Variants in OLFM2 observed in about 807,000 individuals in gnomAD.
OLFM2 encodes noelin-2.
Under a neutral mutation model 43.9 loss-of-function variants are expected in OLFM2, and 20 were observed. The ratio of observed to expected loss-of-function variants is 0.46; its 90% CI spans 0.32 to 0.66. OLFM2 has a LOEUF of 0.66. Ranked by LOEUF, OLFM2 falls within the 30% of genes least tolerant of loss-of-function variation. The probability of loss-of-function intolerance (pLI) is 0.04; values close to 1 mark genes in which losing one functional copy is unlikely to be tolerated. For synonymous variants in OLFM2, 268 were observed against 278.6 expected, an observed-to-expected ratio of 0.96 and a Z score of 0.38; for missense variants, 416 against 643.6, an observed-to-expected ratio of 0.65 and a Z score of 3.83.
At chr19:9,900,021 A>G (rs774534678) in intron 1 of OLFM2, among the ~76,000 whole-genome samples, 1 of 152,120 alleles carries the variant, frequency 6.6e-6, no homozygotes. Context: ...TGCATAATAA[A>G]TATCTGTTGA....
chr19:9,860,040 G>A (rs190160310), intron 2 of OLFM2, among the ~76,000 whole-genome samples: 2 of 152,276 alleles, frequency 1.3e-5, no homozygotes, highest in African/African-American at 4.8e-5. Context: ...TACTCGGGAG[G>A]CTGAGGCAGG....
chr19:9,936,309 C>A lies in OLFM2; in HGVS notation c.58G>T (p.Gly20Ter). The change falls in exon 1 of 6, where the codon GGA becomes TGA. Residue 20 changes from glycine (G) to a stop codon, truncating the protein, a stop_gained. Transcript: ENST00000264833. LOFTEE classifies it high-confidence loss of function. ...LLLLLCSGLA[G>*]QTLFQNPEEG... ...CCTGCCCGCCGGGCCCCTACCTGTCCGGCCAGGCCTGAGCACAGCAGCAGC... is the reference window on the plus strand; with the variant it reads ...CCTGCCCGCCGGGCCCCTACCTGTCAGGCCAGGCCTGAGCACAGCAGCAGC... 6.5e-7 allele frequency: 1 copy of A among 1,527,928 alleles called. No homozygotes were observed. The highest frequency in any genetic ancestry group is 1.2e-5 in the South Asian group (1 of 83,690). The allele number at this position is 1,527,928 out of a possible 1,614,324, so 94.6% of individuals were successfully genotyped here.
chr19:9,899,124 G>A (rs1383065938), intron 1 of OLFM2, among the ~76,000 whole-genome samples: 2 of 151,952 alleles, frequency 1.3e-5, no homozygotes, highest in African/African-American at 4.8e-5. Context: ...AATTAGACAG[G>A]CGTGGTGGCA....
At chr19:9,870,923 C>T (rs994764981) in intron 1 of OLFM2, among the ~76,000 whole-genome samples, 4 of 152,018 alleles carry the variant, frequency 2.6e-5, no homozygotes, top group African/African-American at 4.8e-5. Flanking sequence ...CTGTGGTTTA[C>T]AGTGGCTCGC....
At position 9,854,009 on chromosome 19, in the gene OLFM2, G is replaced by C. The variant is rs915685287; in HGVS notation, c.*177C>G. On this transcript the variant is annotated 3_prime_UTR_variant, in exon 6 of 6. Coordinates refer to ENST00000264833, the MANE Select transcript of OLFM2 (RefSeq NM_058164.4). This position sits in a 1 kb window ranked among gnomAD's most constrained non-coding sequence, Gnocchi z 9.5. ...AAGCAGAGATCAATAAAGGAGAAGAGGGGAAATTGAAAAAATAGACAGAAA... is the reference window on the plus strand; with the variant it reads ...AAGCAGAGATCAATAAAGGAGAAGACGGGAAATTGAAAAAATAGACAGAAA... 31 of 610,854 alleles carry C rather than the reference G, an allele frequency of 5.1e-5. No homozygotes were observed. The highest frequency in any genetic ancestry group is 8.6e-4 in the Middle Eastern group (2 of 2,338). 37.8% of individuals were successfully genotyped at this position (610,854 alleles called of 1,614,324 possible). A position where few individuals can be genotyped will look rare whatever the true frequency, so the allele number is the denominator to read the frequency against.
intron 1 of OLFM2, among the ~76,000 whole-genome samples, chr19:9,885,384 C>A (rs1289383653): frequency 3.3e-5 from 5 of 152,188 alleles, no homozygotes; most frequent in African/African-American, 1.2e-4. Context: ...TGTCAGACAT[C>A]CACGCTGTGA....
chr19:9,916,887 CCTT>C (rs1408223504), intron 1 of OLFM2, among the ~76,000 whole-genome samples: 6 of 152,168 alleles, frequency 3.9e-5, no homozygotes, highest in Non-Finnish European at 8.8e-5. Context: ...CTCACCATCA[CCTT>C]CTTGAAACTC....
chr19:9,869,566 T>C (rs1431488502), intron 1 of OLFM2, among the ~76,000 whole-genome samples: 2 of 152,168 alleles, frequency 1.3e-5, no homozygotes, highest in Non-Finnish European at 2.9e-5. Context: ...TAAGAGCAAT[T>C]AGAACAGTCA....
intron 1 of OLFM2, among the ~76,000 whole-genome samples, chr19:9,912,985 G>A (rs1408492650): frequency 6.6e-6 from 1 of 150,982 alleles, no homozygotes; most frequent in Non-Finnish European, 1.5e-5. Flanking sequence ...GACTCAGACA[G>A]AACTACTCAG....
At chr19:9,918,004 A>G (rs34289382) in intron 1 of OLFM2, among the ~76,000 whole-genome samples, 76,305 of 151,354 alleles carry the variant, frequency 0.5, 19,545 homozygotes, top group East Asian at 0.62. Context: ...TCAGCCTCCC[A>G]AGTAGCTGGG....
Position 9,860,631 on chromosome 19 carries a change from T to A in OLFM2, c.213+14A>T, listed in dbSNP as rs1486077014. On this transcript the variant is annotated intron_variant, in intron 2 of 5. Transcript: ENST00000264833. Reference sequence around the variant, plus strand: ...TTTTCCCAGCTGCCCCCAGGGTACCTGGAAGGTTCTCACCTTCTCCATCAG... The same window carrying A: ...TTTTCCCAGCTGCCCCCAGGGTACCAGGAAGGTTCTCACCTTCTCCATCAG... The A allele has an allele frequency of 1.9e-6, 3 of 1,571,518 alleles. No homozygotes were observed. The highest frequency in any genetic ancestry group is 2.7e-5 in the African/African-American group (2 of 74,020).
intron 1 of OLFM2, among the ~76,000 whole-genome samples, chr19:9,914,125 C>T (rs1318032557): frequency 6.6e-6 from 1 of 151,778 alleles, no homozygotes; most frequent in African/African-American, 2.4e-5. Context: ...CGGACCGCCT[C>T]CCGCACGCAG....
chr19:9,893,197 C>T (rs146592190), intron 1 of OLFM2, among the ~76,000 whole-genome samples: 1,545 of 151,118 alleles, frequency 0.01, 21 homozygotes, highest in African/African-American at 0.036. Context: ...CAGAGTCTCG[C>T]TCTGTTGCCC....
At chr19:9,879,204 C>T (rs1341220212) in intron 1 of OLFM2, among the ~76,000 whole-genome samples, 1 of 152,198 alleles carries the variant, frequency 6.6e-6, no homozygotes, top group Admixed American at 6.5e-5. Context: ...GCAATCTCAG[C>T]TCGTTGCAAC....
At chr19:9,889,451 T>G (rs1307822676) in intron 1 of OLFM2, among the ~76,000 whole-genome samples, 2 of 152,140 alleles carry the variant, frequency 1.3e-5, no homozygotes, top group Non-Finnish European at 2.9e-5. Context: ...GGTCTCACTA[T>G]GTTGCCCAGG....
At chr19:9,863,610 A>C (rs1599467504) in intron 1 of OLFM2, among the ~76,000 whole-genome samples, 1 of 152,030 alleles carries the variant, frequency 6.6e-6, no homozygotes, top group African/African-American at 2.4e-5. Flanking sequence ...GATCATTTGC[A>C]CAGCCATTAC....
At chr19:9,904,152 TTGTGTGTGTG>T (rs56281493) in intron 1 of OLFM2, among the ~76,000 whole-genome samples, 19,417 of 127,178 alleles carry the variant, frequency 0.15, 1,429 homozygotes, top group African/African-American at 0.18. Flanking sequence ...TGAGTATTGT[TTGTGTGTGTG>T]TGTGTGTGTG....
intron 1 of OLFM2, chr19:9,913,420 G>A: frequency 3.1e-6 from 3 of 957,226 alleles, no homozygotes; most frequent in South Asian, 9.3e-5. Flanking sequence ...CTGCGGCGGC[G>A]GCAGCGGCTG....
rs33945661 is a variant in OLFM2 at position 9,881,665 on chromosome 19, AT to A, written c.64-20872del. 3.7e-4 allele frequency among the ~76,000 whole-genome samples: 54 copies of A among 145,780 alleles called. No individual in the cohort carries two copies. In the South Asian group the frequency reaches 8.9e-3, roughly 24 times the overall value. On this transcript the variant is annotated intron_variant, in intron 1 of 5. Coordinates refer to ENST00000264833, the MANE Select transcript of OLFM2 (RefSeq NM_058164.4). ...TGCCACCATGTCCCACTAATTTTTA[AT>A]TTTTTTTTTTTTACAGTTGGGGGGT...
Sources: gnomAD v4.1 joint callset for allele counts (sites outside exome capture counted in the v4.1 genomes callset) on GRCh38, gnomAD v4.1.1 for gene constraint, Gnocchi (gnomAD v3.1) non-coding constraint, MANE v1.5 for transcripts, NCBI Gene and HGNC (gene_info 2026-07-23, HGNC 2026-07-21) for gene names.